Variants in THUMPD3 observed in about 807,000 individuals in gnomAD.
The protein encoded by THUMPD3 is tRNA (guanine(6)-N(2))-methyltransferase THUMP3.
Under a neutral mutation model 54.5 loss-of-function variants are expected in THUMPD3, and 44 were observed. The observed-to-expected ratio is 0.81, with a 90% CI of 0.63 to 1.04. The LOEUF (loss-of-function observed/expected upper bound fraction) is 1.04. Ranked by LOEUF, THUMPD3 falls within the 50% of genes least tolerant of loss-of-function variation. The pLI is 0.00. For synonymous variants in THUMPD3, 196 were observed against 201.4 expected (o/e 0.97, Z 0.23); for missense variants, 604 against 601.3 (o/e 1.00, Z -0.05).
At chr3:9,377,023 C>G (rs2596918) in intron 5 of THUMPD3, among the ~76,000 whole-genome samples, 1 of 151,846 alleles carries the variant, frequency 6.6e-6, no homozygotes, top group African/African-American at 2.4e-5. Context: ...ATTACCTAGT[C>G]CCACAGAGCA....
At chr3:9,370,721 C>A (rs760578161) in intron 3 of THUMPD3, among the ~76,000 whole-genome samples, 13 of 152,214 alleles carry the variant, frequency 8.5e-5, no homozygotes, top group Admixed American at 2.6e-4. Flanking sequence ...GCTGGGATTA[C>A]AGGCATGAGC....
Position 9,377,203 on chromosome 3 carries a change from C to CGT in THUMPD3, c.939-597_939-596dup, listed in dbSNP as rs137922488. On this transcript the variant is annotated intron_variant, in intron 5 of 9. Transcript: ENST00000452837. ...ACTGTTGTCAAAAAGTATGCATGAGCGTGTGTGTGTGTGTGTGTGTACACA... is the reference window on the plus strand; with the variant it reads ...ACTGTTGTCAAAAAGTATGCATGAGCGTGTGTGTGTGTGTGTGTGTGTACACA... Among the ~76,000 whole-genome samples, 714 of 148,816 alleles carry CGT rather than the reference C, an allele frequency of 4.8e-3. 1 individual carries two copies. Among genetic ancestry groups the CGT allele is most frequent in the African/African-American group, 0.012 (496 of 40,694 alleles).
Position 9,384,188 on chromosome 3 carries a change from G to T in THUMPD3, c.1236-24G>T. ...TATTTTGTATCTTTTGCAAGTGTTT[G>T]ACTCATGAGACCTTCTATTATAGGA... On this transcript the variant is annotated intron_variant, in intron 8 of 9. Transcript: ENST00000452837. 1.9e-6 allele frequency: 3 copies of T among 1,608,988 alleles called. No individual in the cohort carries two copies. In the South Asian group the frequency reaches 3.3e-5, roughly 18 times the overall value.
rs1188376571 is a variant in THUMPD3 at position 9,386,382 on chromosome 3, C to A, written c.*1694C>A. Reference sequence around the variant, plus strand: ...ACCACGATGTCTTTCCCCACCCCCCCACCCCCCACTCCACCCCCCACTAAG... The same window carrying A: ...ACCACGATGTCTTTCCCCACCCCCCAACCCCCCACTCCACCCCCCACTAAG... On this transcript the variant is annotated 3_prime_UTR_variant, in exon 10 of 10. Coordinates refer to ENST00000452837, the MANE Select transcript of THUMPD3 (RefSeq NM_001114092.2). 3 of 139,302 alleles carry A rather than the reference C, an allele frequency of 2.2e-5. No individual in the cohort carries two copies. The highest frequency in any genetic ancestry group is 7.8e-5 in the African/African-American group (3 of 38,538). The allele number at this position is 139,302 out of a possible 1,614,324, so 8.6% of individuals were successfully genotyped here. A position where few individuals can be genotyped will look rare whatever the true frequency, so the allele number is the denominator to read the frequency against.
rs2251361 is a variant in THUMPD3, at chr3:9,386,586, G to T, written c.*1898G>T. ...AATATGTAGTGGGCAATAGTTTGCC[G>T]TCTTCTTCCCTAGTATGGTGTTTTT... On this transcript the variant is annotated 3_prime_UTR_variant, in exon 10 of 10. Transcript: ENST00000452837. 6.6e-6 allele frequency: 1 copy of T among 151,826 alleles called. No individual in the cohort carries two copies. Among genetic ancestry groups the T allele is most frequent in the Non-Finnish European group, 1.5e-5 (1 of 67,974 alleles). 9.4% of individuals were successfully genotyped at this position (151,826 alleles called of 1,614,324 possible). A position where few individuals can be genotyped will look rare whatever the true frequency, so the allele number is the denominator to read the frequency against.
intron 7 of THUMPD3, among the ~76,000 whole-genome samples, chr3:9,381,351 T>C (rs1004044593): frequency 6.6e-6 from 1 of 152,216 alleles, no homozygotes; most frequent in Non-Finnish European, 1.5e-5. Context: ...TCTGATCTAA[T>C]TTTTTAGGAC....
At chr3:9,380,780 T>C in intron 7 of THUMPD3, 162 bp downstream of exon 7, 1 of 453,952 alleles carries the variant, frequency 2.2e-6, no homozygotes, top group Admixed American at 4.0e-5. Flanking sequence ...GAAAATAAGT[T>C]ATATTTTTAA....
At chr3:9,382,983 C>T in intron 7 of THUMPD3, 2 of 414,624 alleles carry the variant, frequency 4.8e-6, no homozygotes, top group Non-Finnish European at 4.5e-6. Flanking sequence ...CCCACCTCAG[C>T]CCCTGAAAGT....
chr3:9,384,533 G>A lies in THUMPD3; in HGVS notation c.1369G>A (p.Gly457Arg). Residue 457 changes from glycine (G) to arginine (R), a missense_variant, in exon 10 of 10, where the codon GGA becomes AGA. Physicochemically the swap from Gly to Arg is moderately radical, Grantham distance 125 (BLOSUM62 -2). Transcript: ENST00000452837. Reference sequence around the variant, plus strand: ...TTTTGTGTGTACACAGGCGTTATCTGGAATGCGACACGTATGGCGAAAGGT... The same window carrying A: ...TTTTGTGTGTACACAGGCGTTATCTAGAATGCGACACGTATGGCGAAAGGT... Reference protein sequence around the residue: ...DTKCFTKALSGMRHVWRKVDT... With the variant: ...DTKCFTKALSRMRHVWRKVDT... The A allele has an allele frequency of 6.2e-7, 1 of 1,614,180 alleles. No individual in the cohort carries two copies. Among genetic ancestry groups the A allele is most frequent in the Non-Finnish European group, 8.5e-7 (1 of 1,180,036 alleles).
At chr3:9,380,351 AAG>A in intron 6 of THUMPD3, 150 bp from the exon 7 acceptor site, 1 of 589,242 alleles carries the variant, frequency 1.7e-6, no homozygotes, top group Admixed American at 3.2e-5. Context: ...GAGAAAGAAT[AAG>A]AGGGCATTTT....
intron 7 of THUMPD3, among the ~76,000 whole-genome samples, chr3:9,381,997 A>C (rs993418975): frequency 6.6e-6 from 1 of 150,834 alleles, no homozygotes; most frequent in Admixed American, 6.6e-5. Flanking sequence ...GTTAGCCAGG[A>C]TGGTCTCAAT....
chr3:9,382,171 C>G (rs527535335), intron 7 of THUMPD3, among the ~76,000 whole-genome samples: 2 of 152,200 alleles, frequency 1.3e-5, no homozygotes, highest in Admixed American at 1.3e-4. Context: ...GGTTATAATA[C>G]ATATTTTATG....
At chr3:9,374,007 A>G (rs941629949) in intron 4 of THUMPD3, among the ~76,000 whole-genome samples, 2 of 152,254 alleles carry the variant, frequency 1.3e-5, no homozygotes, top group African/African-American at 4.8e-5. Flanking sequence ...ATGTGTAAAC[A>G]GCATCCAGAT....
rs1235866132 is a variant in THUMPD3, at chr3:9,371,358, A to G, written c.629A>G (p.Asp210Gly). 2 of 1,614,200 alleles carry G rather than the reference A, an allele frequency of 1.2e-6. No homozygotes were observed. The highest frequency in any genetic ancestry group is 2.2e-5 in the East Asian group (1 of 44,884). The change falls in exon 4 of 10, where the codon GAT becomes GGT. Residue 210 changes from aspartate to glycine, a missense_variant. By Grantham distance (94) the Asp-to-Gly change is moderately conservative. Coordinates refer to ENST00000452837, the MANE Select transcript of THUMPD3 (RefSeq NM_001114092.2). ...GGTGATGATTTGGCATCTTGCAAAG[A>G]TGAGACTGATGAAAGCTCAAAAGAA... ...LIGDDLASCKDETDESSKEET... is the reference protein window; with the variant it reads ...LIGDDLASCKGETDESSKEET...
Position 9,371,094 on chromosome 3 carries a change from G to A in THUMPD3, c.365G>A (p.Gly122Glu). 6.3e-7 allele frequency: 1 copy of A among 1,576,470 alleles called. No individual in the cohort carries two copies. Among genetic ancestry groups the A allele is most frequent in the Non-Finnish European group, 8.6e-7 (1 of 1,168,976 alleles). ...CTAAAGGATTTTGAAGACTTGGCTG[G>A]AAAACTCCCATGGTCAAACCCCTTA... ...EVLKDFEDLA[G>E]KLPWSNPLKV... Residue 122 changes from glycine to glutamate, a missense_variant, in exon 4 of 10, where the codon GGA becomes GAA. Transcript: ENST00000452837.
At chr3:9,383,033 A>AT (rs1355714537) in intron 7 of THUMPD3, 166 bp from the exon 8 acceptor site, 4 of 512,972 alleles carry the variant, frequency 7.8e-6, no homozygotes, top group East Asian at 6.2e-5. Context: ...AGCCTGACCT[A>AT]TTTTTTACCT....
At chr3:9,377,539 A>C (rs1268875101) in intron 5 of THUMPD3, among the ~76,000 whole-genome samples, 1 of 152,032 alleles carries the variant, frequency 6.6e-6, no homozygotes, top group Non-Finnish European at 1.5e-5. Flanking sequence ...ACGCCCAGCT[A>C]ATTTTTTGTA....
chr3:9,371,790 T>G (rs1030281381), intron 4 of THUMPD3, among the ~76,000 whole-genome samples: 1 of 152,390 alleles, frequency 6.6e-6, no homozygotes, highest in Middle Eastern at 3.4e-3. Flanking sequence ...TCCTGAAGGA[T>G]AAATGAGGTA....
intron 5 of THUMPD3, among the ~76,000 whole-genome samples, chr3:9,376,667 T>C (rs575500180): frequency 9.9e-5 from 15 of 152,170 alleles, no homozygotes; most frequent in African/African-American, 1.4e-4. Flanking sequence ...TAAATAGTTA[T>C]CATACATGCG....
Sources: allele counts gnomAD v4.1 joint callset (sites outside exome capture counted in the v4.1 genomes callset), GRCh38; gene constraint gnomAD v4.1.1; transcripts MANE v1.5; gene names NCBI Gene and HGNC (gene_info 2026-07-23, HGNC 2026-07-21).